SETD2: variants seen among roughly 807,000 people sequenced by gnomAD.
SETD2 encodes the protein SET domain containing 2, histone lysine methyltransferase, also known as histone-lysine N-methyltransferase SETD2.
A neutral mutation model predicts 242.1 loss-of-function variants in SETD2; 31 were observed. The observed-to-expected ratio is 0.13, with a 90% confidence interval of 0.10 to 0.17. SETD2 has a LOEUF of 0.17. Ranked by LOEUF, SETD2 falls within the 10% of genes least tolerant of loss-of-function variation. The pLI is 1.00. For synonymous variants in SETD2, 1,006 were observed against 1,066.5 expected, an observed-to-expected ratio of 0.94 and a Z score of 1.11; for missense variants, 2,481 against 3,046.3, an observed-to-expected ratio of 0.81 and a Z score of 4.37.
At chr3:47,100,411 C>T (rs2042164895) in intron 8 of SETD2, among the ~76,000 whole-genome samples, 1 of 152,064 alleles carries the variant, frequency 6.6e-6, no homozygotes, top group Non-Finnish European at 1.5e-5. Flanking sequence ...CAGGCGTGCG[C>T]CACCACGCCC....
intron 17 of SETD2, among the ~76,000 whole-genome samples, chr3:47,038,596 C>G (rs934638569): frequency 3.3e-5 from 5 of 151,612 alleles, no homozygotes; most frequent in African/African-American, 1.2e-4. Flanking sequence ...GCCTGGGCAA[C>G]AAGAGTGAAA....
intron 5 of SETD2, among the ~76,000 whole-genome samples, chr3:47,113,017 A>G (rs1559733098): frequency 6.6e-6 from 1 of 152,234 alleles, no homozygotes; most frequent in African/African-American, 2.4e-5. Context: ...ATGGAAAGCA[A>G]CATTTATTCA....
intron 18 of SETD2, among the ~76,000 whole-genome samples, chr3:47,028,577 T>C (rs532261988): frequency 2.4e-4 from 37 of 152,330 alleles, no homozygotes; most frequent in African/African-American, 8.2e-4. Context: ...CTTGACTGGC[T>C]ATCAGAACAA....
intron 1 of SETD2, among the ~76,000 whole-genome samples, chr3:47,150,344 A>G (rs1386512869): frequency 6.6e-6 from 1 of 151,990 alleles, no homozygotes; most frequent in Admixed American, 6.6e-5. Flanking sequence ...GGCCTCAAAA[A>G]TATCGTTTGA....
At chr3:47,066,157 A>G (rs746272449) in intron 13 of SETD2, among the ~76,000 whole-genome samples, 9 of 152,202 alleles carry the variant, frequency 5.9e-5, no homozygotes, top group Non-Finnish European at 2.9e-5. Flanking sequence ...AAGAGTAAAT[A>G]TATTTTCTCT....
intron 18 of SETD2, among the ~76,000 whole-genome samples, chr3:47,036,775 A>G (rs958842840): frequency 6.6e-6 from 1 of 151,828 alleles, no homozygotes; most frequent in Non-Finnish European, 1.5e-5. Flanking sequence ...TGGAGTGCAC[A>G]TCTGTAGTCC....
intron 3 of SETD2, among the ~76,000 whole-genome samples, chr3:47,117,261 C>CAAAAAAAAAAAAAAAAAA (rs5848820): frequency 4.5e-5 from 3 of 66,492 alleles, no homozygotes; most frequent in African/African-American, 1.4e-4. Context: ...CCTGCATTAC[C>CAAAAAAAAAAAAAAAAAA]AAAAAAAAAA....
At position 47,083,812 on chromosome 3, in the gene SETD2, C is replaced by T; in HGVS notation, c.5968G>A (p.Val1990Met). 6.2e-7 allele frequency: 1 copy of T among 1,614,144 alleles called. No individual in the cohort carries two copies. Among genetic ancestry groups the T allele is most frequent in the Non-Finnish European group, 8.5e-7 (1 of 1,180,004 alleles). The change falls in exon 12 of 21, where the codon GTG becomes ATG. Residue 1990 changes from valine to methionine, a missense_variant. Physicochemically the swap from Val to Met is conservative, Grantham distance 21. This residue lies in a region of SETD2 where 203 missense variants were observed against 222.4 expected (regional missense o/e 0.91). Transcript: ENST00000409792. ...TGTTCTTGGCTCCTTTCACTCTCCACATCAGACACACCCTCCTCTTCATCT... is the reference window on the plus strand; with the variant it reads ...TGTTCTTGGCTCCTTTCACTCTCCATATCAGACACACCCTCCTCTTCATCT... ...SQDEEEGVSD[V>M]ESERSQEQPD...
intron 3 of SETD2, among the ~76,000 whole-genome samples, chr3:47,118,287 G>A (rs190913106): frequency 2.6e-5 from 4 of 152,308 alleles, no homozygotes; most frequent in African/African-American, 4.8e-5. Context: ...GGAATAGGAC[G>A]AATGGGCATA....
chr3:47,020,447 G>T (rs1280510967), intron 18 of SETD2, among the ~76,000 whole-genome samples: 1 of 152,166 alleles, frequency 6.6e-6, no homozygotes, highest in Non-Finnish European at 1.5e-5. Flanking sequence ...TGATGACACA[G>T]AAGATACTCT....
At chr3:47,052,333 G>A (rs1385348317) in intron 15 of SETD2, among the ~76,000 whole-genome samples, 3 of 152,016 alleles carry the variant, frequency 2.0e-5, no homozygotes, top group Non-Finnish European at 2.9e-5. Flanking sequence ...CACCACACTC[G>A]GCTAATTTTG....
intron 1 of SETD2, among the ~76,000 whole-genome samples, chr3:47,158,145 AT>A (rs747909314): frequency 6.6e-6 from 1 of 152,096 alleles, no homozygotes; most frequent in Non-Finnish European, 1.5e-5. Context: ...TCAGTCTAAT[AT>A]TTTTTAATGC....
intron 8 of SETD2, among the ~76,000 whole-genome samples, chr3:47,100,293 C>T (rs1277960439): frequency 6.8e-6 from 1 of 147,960 alleles, no homozygotes; most frequent in African/African-American, 2.5e-5. Context: ...GATGGAGTCC[C>T]TCTGTCACCC....
chr3:47,079,720 C>T (rs1041450766), intron 12 of SETD2, among the ~76,000 whole-genome samples: 11 of 152,110 alleles, frequency 7.2e-5, no homozygotes, highest in East Asian at 5.8e-4. Flanking sequence ...GATGATAGTA[C>T]ATAAATGAAT....
intron 5 of SETD2, among the ~76,000 whole-genome samples, chr3:47,113,145 C>T (rs1197689535): frequency 2.0e-5 from 3 of 150,716 alleles, no homozygotes; most frequent in South Asian, 4.2e-4. Context: ...TCACTGCCAT[C>T]CAGGCTAGAA....
intron 5 of SETD2, 93 bp downstream of exon 5, chr3:47,113,783 G>A (rs1199848470): frequency 1.6e-6 from 2 of 1,278,316 alleles, no homozygotes. Flanking sequence ...AGGTTCCAGT[G>A]AGCCAAGATC....
chr3:47,077,267 G>T (rs2041126078), intron 12 of SETD2, among the ~76,000 whole-genome samples: 1 of 152,036 alleles, frequency 6.6e-6, no homozygotes. Context: ...TATTTTTGTA[G>T]AGACAGGGTT....
At chr3:47,049,732 T>C (rs1269113704) in intron 15 of SETD2, among the ~76,000 whole-genome samples, 1 of 146,798 alleles carries the variant, frequency 6.8e-6, no homozygotes, top group African/African-American at 2.5e-5. Context: ...TTATTCTGAG[T>C]TTATATTATA....
At chr3:47,106,148 C>T (rs779342516) in intron 5 of SETD2, 28 bp from the exon 6 acceptor site, 2 of 1,602,478 alleles carry the variant, frequency 1.2e-6, no homozygotes, top group Non-Finnish European at 1.7e-6. Context: ...AAAAATAGCA[C>T]TTCCTACCTA....
Sources: allele counts gnomAD v4.1 joint callset (sites outside exome capture counted in the v4.1 genomes callset), GRCh38; gene constraint gnomAD v4.1.1; regional missense constraint gnomAD v4.1.1; transcripts MANE v1.5; gene names NCBI Gene and HGNC (gene_info 2026-07-23, HGNC 2026-07-21).